ARMCX4: variants seen among roughly 807,000 people sequenced by gnomAD.
The protein encoded by ARMCX4 is armadillo repeat-containing X-linked protein 4.
ARMCX4 carries 3 observed loss-of-function variants against 34.7 expected under a neutral mutation model. The ratio of observed to expected loss-of-function variants is 0.09; its 90% CI spans 0.04 to 0.22. ARMCX4 has a LOEUF of 0.22. Among genes scored for constraint, ARMCX4 ranks in the 10% least tolerant of loss-of-function variants. ARMCX4 has a pLI of 1.00. For synonymous variants in ARMCX4, 513 were observed against 632.8 expected, an observed-to-expected ratio of 0.81 and a Z score of 2.84; for missense variants, 1,448 against 1,720.8, an observed-to-expected ratio of 0.84 and a Z score of 2.81.
chrX:101,449,571 A>T (rs1385017094), downstream of ARMCX4, among the ~76,000 whole-genome samples: 6 of 110,741 alleles, frequency 5.4e-5, no homozygotes, highest in African/African-American at 2.0e-4. Context: ...AATTATTTCC[A>T]TTTCTTTGTT....
intron 4 of ARMCX4, among the ~76,000 whole-genome samples, chrX:101,462,415 G>A (rs1226378742): frequency 9.0e-6 from 1 of 110,972 alleles, no homozygotes; most frequent in African/African-American, 3.3e-5. Flanking sequence ...GCTGAAGCAG[G>A]CAGATCACAA....
At chrX:101,483,723 T>G (rs1208715060), upstream of ARMCX4, among the ~76,000 whole-genome samples, 3 of 111,430 alleles carry the variant, frequency 2.7e-5, no homozygotes, top group Non-Finnish European at 1.9e-5. Flanking sequence ...GTTTAAAATT[T>G]GTATGCAATT....
rs1344608042 is a variant in ARMCX4, at chrX:101,433,197, T to C, written n.165-10855T>C. 1.6e-4 allele frequency among the ~76,000 whole-genome samples: 5 copies of C among 30,526 alleles called. 1 individual carries two copies. The South Asian group carries it at 3.0e-3, about 18-fold the overall frequency. The allele number at this position is 30,526 out of a possible 115,157, so 26.5% of individuals were successfully genotyped here. A position where few individuals can be genotyped will look rare whatever the true frequency, so the allele number is the denominator to read the frequency against. On this transcript the variant is annotated intron_variant and non_coding_transcript_variant, in intron 2 of 3. Coordinates refer to the ARMCX4 transcript ENST00000430461. ...GTGTATATACACGCACACATACACATATATGTGCATATACGCACATATATA... is the reference window on the plus strand; with the variant it reads ...GTGTATATACACGCACACATACACACATATGTGCATATACGCACATATATA...
At chrX:101,530,520 A>G (rs932100349) in intron 11 of ARMCX4, among the ~76,000 whole-genome samples, 1 of 111,702 alleles carries the variant, frequency 9.0e-6, no homozygotes, top group Non-Finnish European at 1.9e-5. Context: ...AGTGGTATAT[A>G]AAAAAAAGAA....
At chrX:101,503,673 A>C (rs1215916121) in intron 7 of ARMCX4, among the ~76,000 whole-genome samples, 1 of 111,481 alleles carries the variant, frequency 9.0e-6, no homozygotes, top group Non-Finnish European at 1.9e-5. Context: ...TTCATTGTAG[A>C]TTCTGGATAT....
downstream of ARMCX4, chrX:101,533,584 G>A (rs1366197233): frequency 1.8e-5 from 2 of 111,623 alleles, no homozygotes; most frequent in East Asian, 2.8e-4. Flanking sequence ...GTAAGGAAGG[G>A]TATAGCAGAG....
At chrX:101,517,116 C>T (rs782045941) in intron 11 of ARMCX4, among the ~76,000 whole-genome samples, 85 of 111,653 alleles carry the variant, frequency 7.6e-4, no homozygotes, top group African/African-American at 2.6e-3. Context: ...TTAGAAATTA[C>T]ATCTTTACCT....
intron 4 of ARMCX4, among the ~76,000 whole-genome samples, chrX:101,470,804 G>A (rs1321140794): frequency 8.9e-6 from 1 of 111,753 alleles, no homozygotes; most frequent in Non-Finnish European, 1.9e-5. Context: ...CTTTGTGTGG[G>A]CATGTTTTCA....
chrX:101,461,747 T>A lies in ARMCX4; in HGVS notation c.-473+15703T>A, dbSNP rs919481325. ...ACTATTTTCTCCCTCTCTTTTTTTT[T>A]AAATAATAGCCATCCTAATGGGTGT... On this transcript the variant is annotated intron_variant and NMD_transcript_variant, in intron 4 of 15. Transcript: ENST00000433011. 8.9e-5 allele frequency among the ~76,000 whole-genome samples: 10 copies of A among 112,274 alleles called. 1 individual carries two copies. Among genetic ancestry groups the A allele is most frequent in the Admixed American group, 3.8e-4 (4 of 10,528 alleles).
In ARMCX4 at chrX:101,466,599, T is replaced by G. The variant is rs782051351; in HGVS notation, c.-472-19424T>G. Among the ~76,000 whole-genome samples, 4 of 112,414 alleles carry G rather than the reference T, an allele frequency of 3.6e-5. No individual in the cohort carries two copies. In the East Asian group the frequency reaches 8.4e-4, roughly 23 times the overall value. On this transcript the variant is annotated intron_variant and NMD_transcript_variant, in intron 4 of 15. Transcript: ENST00000433011. ...CAACATGAATGAAGCTCAAAAGCACTATGTTAAATGAATCTCAGACATAAA... is the reference window on the plus strand; with the variant it reads ...CAACATGAATGAAGCTCAAAAGCACGATGTTAAATGAATCTCAGACATAAA...
At chrX:101,501,812 G>A (rs1399803695) in intron 7 of ARMCX4, among the ~76,000 whole-genome samples, 11 of 111,831 alleles carry the variant, frequency 9.8e-5, no homozygotes, top group African/African-American at 2.3e-4. Flanking sequence ...GAGCAGTGAG[G>A]ACAACCAGAG....
chrX:101,508,413 C>G (rs1265427620), intron 8 of ARMCX4, among the ~76,000 whole-genome samples: 5 of 111,451 alleles, frequency 4.5e-5, no homozygotes, highest in Non-Finnish European at 7.5e-5. Context: ...TCGTATATGG[C>G]CACCTTCTTG....
At chrX:101,522,222 C>A (rs994993930) in intron 11 of ARMCX4, among the ~76,000 whole-genome samples, 1 of 111,245 alleles carries the variant, frequency 9.0e-6, no homozygotes, top group Non-Finnish European at 1.9e-5. Context: ...ATCTTTTTGA[C>A]CTTTTCATCA....
chrX:101,463,645 T>C (rs943253383), intron 4 of ARMCX4, among the ~76,000 whole-genome samples: 1 of 111,938 alleles, frequency 8.9e-6, no homozygotes, highest in African/African-American at 3.2e-5. Context: ...AGTGGTAGCT[T>C]GGTAGTGATA....
At chrX:101,429,486 C>T (rs1252583351) in intron 2 of ARMCX4, among the ~76,000 whole-genome samples, 1 of 109,221 alleles carries the variant, frequency 9.2e-6, no homozygotes, top group African/African-American at 3.3e-5. Flanking sequence ...CAGGCATGCG[C>T]CACCATGCCT....
At position 101,493,143 on chromosome X, in the gene ARMCX4, G is replaced by A. The variant is rs782672873; in HGVS notation, c.4554G>A (p.Thr1518=). The change falls in exon 6 of 6, where the codon ACG becomes ACA. Residue 1518 remains threonine (T), a synonymous_variant. Coordinates refer to ENST00000423738, the MANE Select transcript of ARMCX4 (RefSeq NM_001256155.3). Reference sequence around the variant, plus strand: ...TCTGTGTTTGCCCTGGGAGTCAGACGAATGGAGGGTCTTGGGGTGGGGCTA... The same window carrying A: ...TCTGTGTTTGCCCTGGGAGTCAGACAAATGGAGGGTCTTGGGGTGGGGCTA... ...GWFCVCPGSQ[T]NGGSWGGASG... The A allele has an allele frequency of 1.0e-4, 116 of 1,148,466 alleles. 1 individual carries two copies. Among genetic ancestry groups the A allele is most frequent in the South Asian group, 6.3e-4 (33 of 52,263 alleles). 94.6% of individuals were successfully genotyped at this position (1,148,466 alleles called of 1,213,427 possible). A position where few individuals can be genotyped will look rare whatever the true frequency, so the allele number is the denominator to read the frequency against.
chrX:101,424,728 G>A (rs1486367015), intron 2 of ARMCX4, among the ~76,000 whole-genome samples: 5 of 111,790 alleles, frequency 4.5e-5, no homozygotes, highest in African/African-American at 1.3e-4. Flanking sequence ...GAGAGTGAGC[G>A]GTCAAGGGTG....
chrX:101,483,999 G>A (rs1319661287), upstream of ARMCX4, among the ~76,000 whole-genome samples: 3 of 111,922 alleles, frequency 2.7e-5, no homozygotes, highest in Non-Finnish European at 3.8e-5. Context: ...ACTAACTTCT[G>A]CATATTTGGT....
In ARMCX4 at chrX:101,492,644, C is replaced by T; in HGVS notation, c.4055C>T (p.Ser1352Phe). The T allele has an allele frequency of 8.8e-7, 1 of 1,130,077 alleles. No individual in the cohort carries two copies. Among genetic ancestry groups the T allele is most frequent in the Non-Finnish European group, 1.2e-6 (1 of 859,473 alleles). 93.1% of individuals were successfully genotyped at this position (1,130,077 alleles called of 1,213,427 possible). ...CCTGAGGACCAGTCCAGTGGAAGGT[C>T]TTGGGCTGACACTGCAGACCAAGCC... ...LGPEDQSSGR[S>F]WADTADQASG... Residue 1352 changes from serine to phenylalanine, a missense_variant, in exon 6 of 6, where the codon TCT becomes TTT. Coordinates refer to ENST00000423738, the MANE Select transcript of ARMCX4 (RefSeq NM_001256155.3).
Sources: gnomAD v4.1 joint callset for allele counts (sites outside exome capture counted in the v4.1 genomes callset) on GRCh38, gnomAD v4.1.1 for gene constraint, MANE v1.5 for transcripts, NCBI Gene and HGNC (gene_info 2026-07-23, HGNC 2026-07-21) for gene names.